The following NF1 variants were observed in gnomAD, a reference collection of about 807,000 sequenced individuals.
NF1 encodes neurofibromin.
In NF1, 122 loss-of-function variants were observed where a neutral mutation model predicts 325.7. That is an observed-to-expected ratio of 0.37 (90% CI 0.32 to 0.44). The LOEUF (loss-of-function observed/expected upper bound fraction) is 0.44. Among genes scored for constraint, NF1 ranks in the 20% least tolerant of loss-of-function variants. The pLI, the probability that NF1 is intolerant of heterozygous loss-of-function variation, is 1.00. For missense variants in NF1, 2,140 were observed against 3,415.4 expected, an observed-to-expected ratio of 0.63 and a Z score of 9.31; for synonymous variants, 1,091 against 1,186.0, an observed-to-expected ratio of 0.92 and a Z score of 1.65.
chr17:31,331,058 G>A (rs778010331), intron 39 of NF1: 1 of 152,014 alleles, frequency 6.6e-6, no homozygotes, highest in African/African-American at 2.4e-5. Flanking sequence ...TATAAATGTT[G>A]ATCTTCTCCC....
In NF1 at chr17:31,229,482, T is replaced by C. The variant is rs1410636379; in HGVS notation, c.2850+17T>C. Reference sequence around the variant, plus strand: ...CAAGGACAGGTAAAGTGTTCTCTTATTTTTCACCTTTCTCTATGAATAGAG... The same window carrying C: ...CAAGGACAGGTAAAGTGTTCTCTTACTTTTCACCTTTCTCTATGAATAGAG... On this transcript the variant is annotated intron_variant, in intron 21 of 57. Coordinates refer to ENST00000358273, the MANE Select transcript of NF1 (RefSeq NM_001042492.3). 4.9e-5 allele frequency: 79 copies of C among 1,608,772 alleles called. No individual in the cohort carries two copies. The Admixed American group carries it at 1.2e-3, about 25-fold the overall frequency.
chr17:31,329,050 A>G (rs927288402), intron 38 of NF1, among the ~76,000 whole-genome samples: 2 of 152,110 alleles, frequency 1.3e-5, no homozygotes, highest in Non-Finnish European at 2.9e-5. Flanking sequence ...AGTCCCAGCT[A>G]CTCGGGAGGC....
rs2065797590 is a variant in NF1 at position 31,163,430 on chromosome 17, T to C, written c.479+54T>C. 8.9e-6 allele frequency: 14 copies of C among 1,571,334 alleles called. No individual in the cohort carries two copies. The South Asian group carries it at 1.6e-4, about 18-fold the overall frequency. On this transcript the variant is annotated intron_variant, in intron 4 of 57. Transcript: ENST00000358273. ...TGAAGTAATATGAATATTAGAAGTT[T>C]TGTTTTTTGTCTACATAAAAATAAA... is the stretch of plus-strand genomic sequence containing the variant.
At chr17:31,279,918 A>G (rs2068084994) in intron 36 of NF1, among the ~76,000 whole-genome samples, 1 of 152,194 alleles carries the variant, frequency 6.6e-6, no homozygotes, top group Non-Finnish European at 1.5e-5. Context: ...AAGAAAAATG[A>G]TTTAATTTTA....
Position 31,259,117 on chromosome 17 carries a change from A to G in NF1, c.4418A>G (p.Asp1473Gly), listed in dbSNP as rs1191385772. ...PFNDFVKSNF[D>G]AARRFFLDIA... ...AATGATTTTGTGAAAAGCAACTTTGATGCAGCACGCAGGTAATTTTCTTGC... is the reference window on the plus strand; with the variant it reads ...AATGATTTTGTGAAAAGCAACTTTGGTGCAGCACGCAGGTAATTTTCTTGC... Residue 1473 changes from aspartate (D) to glycine (G), a missense_variant, in exon 33 of 58, where the codon GAT (aspartate) becomes GGT (glycine). By Grantham distance (94) the Asp-to-Gly change is moderately conservative. Transcript: ENST00000358273. 5.0e-6 allele frequency: 8 copies of G among 1,600,558 alleles called. No individual in the cohort carries two copies. Among genetic ancestry groups the G allele is most frequent in the Non-Finnish European group, 6.8e-6 (8 of 1,171,422 alleles).
At chr17:31,101,560 A>G (rs569044621) in intron 1 of NF1, among the ~76,000 whole-genome samples, 2 of 152,244 alleles carry the variant, frequency 1.3e-5, no homozygotes, top group East Asian at 1.9e-4. Context: ...GCATGCACCT[A>G]TGTTCCAGGC....
intron 20 of NF1, among the ~76,000 whole-genome samples, chr17:31,228,271 C>G (rs1246121083): frequency 1.3e-5 from 2 of 152,124 alleles, no homozygotes; most frequent in East Asian, 1.9e-4. Flanking sequence ...TCATATTGCT[C>G]TCATTATTAG....
At chr17:31,373,122 G>C (rs1382692888) in intron 57 of NF1, among the ~76,000 whole-genome samples, 1 of 152,134 alleles carries the variant, frequency 6.6e-6, no homozygotes, top group African/African-American at 2.4e-5. Context: ...AAATGACTTG[G>C]CATAGCTGAA....
chr17:31,293,851 A>G (rs887270859), intron 36 of NF1, among the ~76,000 whole-genome samples: 1 of 152,074 alleles, frequency 6.6e-6, no homozygotes, highest in African/African-American at 2.4e-5. Context: ...GCTGTTTCTT[A>G]TGTTTGTCAC....
At chr17:31,154,779 C>T (rs1236672607) in intron 1 of NF1, among the ~76,000 whole-genome samples, 2 of 145,642 alleles carry the variant, frequency 1.4e-5, no homozygotes, top group African/African-American at 5.2e-5. Flanking sequence ...CTCGCCCGAT[C>T]GCCAGGCTGG....
In NF1 at chr17:31,330,936, G is replaced by A. The variant is rs17886526; in HGVS notation, c.5812+438G>A. 544 of 160,026 alleles carry A rather than the reference G, an allele frequency of 3.4e-3. 7 individuals carry two copies. Among genetic ancestry groups the A allele is most frequent in the African/African-American group, 0.012 (516 of 41,560 alleles). The allele number at this position is 160,026 out of a possible 1,614,324, so 9.9% of individuals were successfully genotyped here. A position where few individuals can be genotyped will look rare whatever the true frequency, so the allele number is the denominator to read the frequency against. ...ATTGTAAATGTACAGTTCACGGAGAGCACAGTGGCACATAATACAGGGCCC... is the reference window on the plus strand; with the variant it reads ...ATTGTAAATGTACAGTTCACGGAGAACACAGTGGCACATAATACAGGGCCC... On this transcript the variant is annotated intron_variant, in intron 39 of 57. Transcript: ENST00000358273.
chr17:31,243,402 A>C (rs1383730436), intron 29 of NF1, among the ~76,000 whole-genome samples: 2 of 151,188 alleles, frequency 1.3e-5, no homozygotes, highest in African/African-American at 2.4e-5. Context: ...TCGTTCAGGC[A>C]GTGAGTTCTC....
chr17:31,357,060 G>T lies in NF1; in HGVS notation c.7839G>T (p.Pro2613=). The T allele has an allele frequency of 6.2e-7, 1 of 1,613,752 alleles. No individual in the cohort carries two copies. Among genetic ancestry groups the T allele is most frequent in the Non-Finnish European group, 8.5e-7 (1 of 1,179,938 alleles). ...TGGATGAAGAAGTACTTACTGATCC[G>T]AAGATCCAGGCGCTGCTTCTTACTG... is the stretch of plus-strand genomic sequence containing the variant. The part of the protein sequence containing the change: ...VLLDEEVLTD[P]KIQALLLTVL... The change falls in exon 53 of 58, where the codon CCG becomes CCT. Residue 2613 remains proline (P), a synonymous_variant. Coordinates refer to ENST00000358273, the MANE Select transcript of NF1 (RefSeq NM_001042492.3).
intron 56 of NF1, chr17:31,359,785 T>C (rs2070358228): frequency 6.5e-6 from 1 of 154,694 alleles, no homozygotes; most frequent in Non-Finnish European, 1.4e-5. Context: ...TGGCATTAGT[T>C]TATGTAGTGC....
At chr17:31,324,753 C>T (rs1390839291) in intron 36 of NF1, among the ~76,000 whole-genome samples, 6 of 151,718 alleles carry the variant, frequency 4.0e-5, no homozygotes, top group African/African-American at 1.5e-4. Context: ...GTAGAGACAG[C>T]GTTTTGCCAT....
In NF1 at chr17:31,326,866, CAG is replaced by C. The variant is rs528735417; in HGVS notation, c.5268+617_5268+618del. Among the ~76,000 whole-genome samples, 236 of 152,204 alleles carry C rather than the reference CAG, an allele frequency of 1.6e-3. 1 individual carries two copies. The highest frequency in any genetic ancestry group is 0.014 in the Admixed American group (210 of 15,282). The stretch of plus-strand genomic sequence containing the variant: ...AGTTCTGATTATTACATGCTTTTTT[CAG>C]AGTGAGGAACATGAACCTTCAGGAT... On this transcript the variant is annotated intron_variant, in intron 37 of 57. Coordinates refer to ENST00000358273, the MANE Select transcript of NF1 (RefSeq NM_001042492.3).
intron 29 of NF1, among the ~76,000 whole-genome samples, chr17:31,242,747 G>A (rs554396873): frequency 2.4e-4 from 37 of 152,188 alleles, no homozygotes; most frequent in Non-Finnish European, 4.4e-4. Context: ...TTGACTCCTC[G>A]GTCTGAGAGG....
intron 56 of NF1, chr17:31,360,202 G>C: frequency 9.2e-6 from 4 of 436,098 alleles, no homozygotes; most frequent in South Asian, 9.0e-5. Context: ...AAATTGGCTA[G>C]ACATCATTCC....
At chr17:31,182,258 CT>C (rs1196890327) in intron 7 of NF1, among the ~76,000 whole-genome samples, 11 of 152,182 alleles carry the variant, frequency 7.2e-5, no homozygotes, top group Middle Eastern at 3.2e-3. Flanking sequence ...CACAGTGAGA[CT>C]GAATACATGA....
Sources: gnomAD v4.1 joint callset for allele counts (sites outside exome capture counted in the v4.1 genomes callset) on GRCh38, gnomAD v4.1.1 for gene constraint, MANE v1.5 for transcripts, NCBI Gene and HGNC (gene_info 2026-07-23, HGNC 2026-07-21) for gene names.